Variants in CHL1 observed in about 807,000 individuals in gnomAD.
CHL1 encodes cell adhesion molecule L1 like, also known as neural cell adhesion molecule L1-like protein.
CHL1 carries 96 observed loss-of-function variants against 141.9 expected under a neutral mutation model. The observed-to-expected ratio is 0.68, with a 90% CI of 0.57 to 0.80. The LOEUF is 0.80. Ranked by LOEUF, CHL1 falls within the 30% of genes least tolerant of loss-of-function variation. The pLI is 0.00. For missense variants in CHL1, 1,820 were observed against 1,457.2 expected (o/e 1.25, Z -4.05); for synonymous variants, 613 against 502.2 (o/e 1.22, Z -2.95).
chr3:304,872 G>T (rs995524779), intron 2 of CHL1, among the ~76,000 whole-genome samples: 5 of 147,592 alleles, frequency 3.4e-5, no homozygotes, highest in Non-Finnish European at 6.0e-5. Context: ...TCTCTTGTGG[G>T]CATTTAGTGC....
chr3:242,821 A>T (rs1199446464), intron 1 of CHL1, among the ~76,000 whole-genome samples: 2 of 152,170 alleles, frequency 1.3e-5, no homozygotes, highest in South Asian at 2.1e-4. Flanking sequence ...TGCTGTGAGC[A>T]TACAAATAAG....
chr3:306,081 C>G (rs1027162686), intron 2 of CHL1, among the ~76,000 whole-genome samples: 2 of 152,072 alleles, frequency 1.3e-5, no homozygotes, highest in Non-Finnish European at 1.5e-5. Flanking sequence ...CCTTCCTGTT[C>G]TTATTTCTTA....
At chr3:366,353 C>T (rs1394177122) in intron 15 of CHL1, among the ~76,000 whole-genome samples, 2 of 151,844 alleles carry the variant, frequency 1.3e-5, no homozygotes, top group East Asian at 3.9e-4. Context: ...TGCCTGTGAT[C>T]CCAGCTACTC....
At chr3:250,158 T>A (rs1269781692) in intron 2 of CHL1, among the ~76,000 whole-genome samples, 1 of 151,944 alleles carries the variant, frequency 6.6e-6, no homozygotes, top group African/African-American at 2.4e-5. Context: ...AGAGATGGGG[T>A]CACACTATGT....
chr3:279,803 G>T (rs950613564), intron 2 of CHL1, among the ~76,000 whole-genome samples: 1 of 152,142 alleles, frequency 6.6e-6, no homozygotes, highest in African/African-American at 2.4e-5. Context: ...TCCGAAGTAG[G>T]GATTGGGGAC....
In CHL1 at chr3:353,666, C is replaced by T. The variant is rs565117972; in HGVS notation, c.1034-974C>T. Among the ~76,000 whole-genome samples the T allele has an allele frequency of 1.4e-4, 22 of 152,240 alleles. No individual in the cohort carries two copies. In the East Asian group the frequency reaches 3.1e-3, roughly 21 times the overall value. On this transcript the variant is annotated intron_variant, in intron 10 of 27. Transcript: ENST00000256509. ...CTTTTTACATAATCCTCTTTTTCTT[C>T]CTTTACTTAGAAAAATTTTAATGAT... is the stretch of plus-strand genomic sequence containing the variant.
intron 2 of CHL1, among the ~76,000 whole-genome samples, chr3:311,350 T>A (rs898100959): frequency 6.6e-6 from 1 of 151,454 alleles, no homozygotes; most frequent in Admixed American, 6.6e-5. Flanking sequence ...ATCCACAATT[T>A]ATTGACCACA....
intron 1 of CHL1, among the ~76,000 whole-genome samples, chr3:230,746 A>G (rs961478545): frequency 6.6e-6 from 1 of 152,068 alleles, no homozygotes; most frequent in African/African-American, 2.4e-5. Context: ...TAAAATGTAG[A>G]CTCTTATATT....
chr3:366,241 C>T lies in CHL1; in HGVS notation c.1751+126C>T, dbSNP rs571658214. ...ATCCCAGCACTTTGGGAGACCGAGG[C>T]GAGTGGATCACTTGAGGTCAGGAGT... On this transcript the variant is annotated intron_variant, in intron 15 of 27. Transcript: ENST00000256509. The T allele has an allele frequency of 2.8e-5, 23 of 820,980 alleles. No homozygotes were observed. The East Asian group carries it at 3.5e-4, about 13-fold the overall frequency. 50.9% of individuals were successfully genotyped at this position (820,980 alleles called of 1,614,324 possible).
At position 322,646 on chromosome 3, in the gene CHL1, A is replaced by ATATATATATATATATATATATATATAAT. The variant is rs1559252642; in HGVS notation, c.91+2803_91+2804insTAATTATATATATATATATATATATATA. Among the ~76,000 whole-genome samples the ATATATATATATATATATATATATATAAT allele has an allele frequency of 1.2e-3, 34 of 27,234 alleles. 1 individual carries two copies. In the African/African-American group the frequency reaches 0.016, roughly 13 times the overall value. The allele number at this position is 27,234 out of a possible 152,430, so 17.9% of individuals were successfully genotyped here. On this transcript the variant is annotated intron_variant, in intron 3 of 27. Transcript: ENST00000256509. ...TCTCTAAATTATATATATATATAAA[A>ATATATATATATATATATATATATATAAT]TATATATATATATATATATATATAA...
chr3:309,946 A>G (rs1034274125), intron 2 of CHL1, among the ~76,000 whole-genome samples: 3 of 152,206 alleles, frequency 2.0e-5, no homozygotes, highest in African/African-American at 7.2e-5. Flanking sequence ...TTCCAGACTC[A>G]ATGAGAGTCA....
intron 2 of CHL1, among the ~76,000 whole-genome samples, chr3:271,640 A>G (rs1695645737): frequency 6.6e-6 from 1 of 152,240 alleles, no homozygotes; most frequent in African/African-American, 2.4e-5. Context: ...GAACATTGGC[A>G]TAAATAGAAA....
intron 16 of CHL1, among the ~76,000 whole-genome samples, chr3:381,752 A>C (rs1037750215): frequency 2.6e-5 from 4 of 152,110 alleles, no homozygotes; most frequent in Admixed American, 2.6e-4. Flanking sequence ...AGAAATTTAC[A>C]AAAAATGATG....
At chr3:362,341 T>G (rs2125270427) in intron 13 of CHL1, among the ~76,000 whole-genome samples, 1 of 152,302 alleles carries the variant, frequency 6.6e-6, no homozygotes, top group South Asian at 2.1e-4. Flanking sequence ...CTTGAATAAT[T>G]TTGTCATTGG....
intron 24 of CHL1, 88 bp from the exon 25 acceptor site, chr3:398,139 T>G: frequency 1.2e-6 from 1 of 831,554 alleles, no homozygotes; most frequent in Admixed American, 3.3e-5. Flanking sequence ...ATAAGTGACT[T>G]TCTTATTCAC....
chr3:284,937 G>A (rs1047073099), intron 2 of CHL1, among the ~76,000 whole-genome samples: 1 of 152,056 alleles, frequency 6.6e-6, no homozygotes, highest in African/African-American at 2.4e-5. Flanking sequence ...GTTGTTTGAC[G>A]AATCAAATAA....
intron 1 of CHL1, among the ~76,000 whole-genome samples, chr3:208,451 T>C (rs1418574120): frequency 6.6e-6 from 1 of 151,700 alleles, no homozygotes; most frequent in Non-Finnish European, 1.5e-5. Flanking sequence ...CATTGAAATA[T>C]TAGGTTTGGG....
At chr3:273,270 A>C (rs1028918982) in intron 2 of CHL1, among the ~76,000 whole-genome samples, 1 of 152,148 alleles carries the variant, frequency 6.6e-6, no homozygotes, top group Non-Finnish European at 1.5e-5. Context: ...GATCAAAATG[A>C]ATTTGCTGTT....
chr3:229,591 G>C (rs1037483299), intron 1 of CHL1, among the ~76,000 whole-genome samples: 3 of 151,968 alleles, frequency 2.0e-5, no homozygotes, highest in Non-Finnish European at 2.9e-5. Context: ...TTGTGTATTC[G>C]GAAGAATTAG....
Sources: allele counts gnomAD v4.1 joint callset (sites outside exome capture counted in the v4.1 genomes callset), GRCh38; gene constraint gnomAD v4.1.1; transcripts MANE v1.5; gene names NCBI Gene and HGNC (gene_info 2026-07-23, HGNC 2026-07-21).